DCLRE1C: variants seen among roughly 807,000 people sequenced by gnomAD.
DCLRE1C encodes the protein DNA cross-link repair 1C.
Under a neutral mutation model 61.4 loss-of-function variants are expected in DCLRE1C, and 47 were observed. The observed-to-expected ratio is 0.77, with a 90% CI of 0.61 to 0.98. The LOEUF is 0.98. DCLRE1C is among the 50% of genes least tolerant of loss of function. DCLRE1C has a pLI of 0.00. For missense variants in DCLRE1C, 858 were observed against 816.0 expected, an observed-to-expected ratio of 1.05 and a Z score of -0.63; for synonymous variants, 337 against 287.6, an observed-to-expected ratio of 1.17 and a Z score of -1.74.
Position 14,908,459 on chromosome 10 carries a change from A to C in DCLRE1C, c.2028T>G (p.Thr676=), listed in dbSNP as rs1186857313. ...HLQYLYEKLA[T]GESIAVKKRK... is the part of the protein sequence containing the mutation. ...TTTTTTTGACTGCTATACTCTCACC[A>C]GTTGCCAGCTTCTCATATAAATATT... Residue 676 remains threonine, a synonymous_variant, in exon 14 of 14, where the codon ACT becomes ACG. Coordinates refer to ENST00000378278, the MANE Select transcript of DCLRE1C (RefSeq NM_001033855.3). The C allele has an allele frequency of 6.2e-7, 1 of 1,613,838 alleles. No individual in the cohort carries two copies. Among genetic ancestry groups the C allele is most frequent in the Admixed American group, 1.7e-5 (1 of 59,942 alleles).
intron 13 of DCLRE1C, among the ~76,000 whole-genome samples, chr10:14,917,477 T>G (rs1373424230): frequency 1.3e-5 from 2 of 151,064 alleles, no homozygotes; most frequent in Non-Finnish European, 2.9e-5. Context: ...TGTATACACC[T>G]GATATATTTA....
chr10:14,923,363 C>G (rs1837442436), intron 11 of DCLRE1C: 1 of 338,198 alleles, frequency 3.0e-6, no homozygotes, highest in South Asian at 3.5e-5. Flanking sequence ...CAATGGGACT[C>G]AAAGATTCTT....
chr10:14,923,301 C>T (rs1837430032), intron 11 of DCLRE1C: 2 of 497,434 alleles, frequency 4.0e-6, no homozygotes, highest in Admixed American at 3.3e-5. Flanking sequence ...GAAATCAGTA[C>T]ATTTAAATAT....
At chr10:14,930,558 T>G (rs1589035746) in intron 9 of DCLRE1C, among the ~76,000 whole-genome samples, 1 of 152,030 alleles carries the variant, frequency 6.6e-6, no homozygotes, top group South Asian at 2.1e-4. Flanking sequence ...TCAGCCTCCC[T>G]AGTAGCTAGG....
chr10:14,923,108 G>C (rs559213129), intron 11 of DCLRE1C, 39 bp from the exon 12 acceptor site: 5 of 1,465,952 alleles, frequency 3.4e-6, no homozygotes, highest in South Asian at 2.3e-5. Flanking sequence ...CAATCTCTAC[G>C]ATGAAACAGG....
rs1183700070 is a variant in DCLRE1C at position 14,905,668 on chromosome 10, G to C, written c.*2740C>G. ...TGTGGCTGACTGCTGAGTGTCTTCT[G>C]TGATACATCTTGGCATTTTGAAACT... is the stretch of plus-strand genomic sequence containing the variant. On this transcript the variant is annotated 3_prime_UTR_variant, in exon 14 of 14. Transcript: ENST00000378278. Among the ~76,000 whole-genome samples, 1 of 152,202 alleles carries C rather than the reference G, an allele frequency of 6.6e-6. No individual in the cohort carries two copies. Among genetic ancestry groups the C allele is most frequent in the African/African-American group, 2.4e-5 (1 of 41,450 alleles).
chr10:14,944,922 G>A (rs1264257478), intron 3 of DCLRE1C, among the ~76,000 whole-genome samples, 183 bp downstream of exon 3: 6 of 151,908 alleles, frequency 3.9e-5, no homozygotes, highest in Non-Finnish European at 4.4e-5. Flanking sequence ...TGATCCATCC[G>A]CCAAGGCCTC....
intron 12 of DCLRE1C, chr10:14,920,424 C>G: frequency 9.9e-7 from 1 of 1,011,032 alleles, no homozygotes; most frequent in South Asian, 4.0e-5. Context: ...CTGGCAGATT[C>G]CGGGAAGCCT....
rs185748273 is a variant in DCLRE1C, at chr10:14,938,475, T to C, written c.306+1335A>G. On this transcript the variant is annotated intron_variant, in intron 4 of 13. Transcript: ENST00000378278. ...AGAAGAAATATCTGAAAAGGTCAGT[T>C]TCTGTTCAACAACACAACACACCCT... 3.9e-5 allele frequency among the ~76,000 whole-genome samples: 6 copies of C among 152,250 alleles called. No individual in the cohort carries two copies. In the East Asian group the frequency reaches 1.2e-3, roughly 29 times the overall value.
chr10:14,899,808 A>G, downstream of DCLRE1C: 1 of 1,187,908 alleles, frequency 8.4e-7, no homozygotes, highest in Non-Finnish European at 1.2e-6. Flanking sequence ...TATGTATTTT[A>G]TAAGGAGGGC....
intron 1 of DCLRE1C, among the ~76,000 whole-genome samples, chr10:14,952,746 G>T (rs1419179783): frequency 1.3e-5 from 2 of 152,064 alleles, no homozygotes; most frequent in African/African-American, 2.4e-5. Flanking sequence ...GCTCAAAGAC[G>T]TGCACGATGC....
intron 1 of DCLRE1C, among the ~76,000 whole-genome samples, chr10:14,949,654 GACCGACT>G (rs1842171955): frequency 6.6e-6 from 1 of 152,214 alleles, no homozygotes; most frequent in African/African-American, 2.4e-5. Flanking sequence ...GTAGCAATTA[GACCGACT>G]ATTACATTAA....
intron 4 of DCLRE1C, among the ~76,000 whole-genome samples, chr10:14,938,776 T>A (rs1325863780): frequency 6.6e-6 from 1 of 152,204 alleles, no homozygotes; most frequent in Non-Finnish European, 1.5e-5. Context: ...AATCACCATT[T>A]TAAATTCTGA....
At position 14,948,735 on chromosome 10, in the gene DCLRE1C, G is replaced by A. The variant is rs577369176; in HGVS notation, c.161+301C>T. Among the ~76,000 whole-genome samples the A allele has an allele frequency of 2.6e-4, 37 of 142,578 alleles. No individual in the cohort carries two copies. The Middle Eastern group carries it at 0.01, about 40-fold the overall frequency. The allele number at this position is 142,578 out of a possible 152,430, so 93.5% of individuals were successfully genotyped here. ...TGTTTTTTTTGTTGCTGTCGTTGTT[G>A]TTGTTGTTGTTTTTAGAGAGTGTAT... On this transcript the variant is annotated intron_variant, in intron 2 of 13. Transcript: ENST00000378278.
chr10:14,934,665 C>T (rs757245170), intron 7 of DCLRE1C, 38 bp downstream of exon 7: 3 of 1,611,374 alleles, frequency 1.9e-6, no homozygotes, highest in African/African-American at 2.7e-5. Flanking sequence ...AACACGGGCA[C>T]ACCCAGATGA....
chr10:14,950,054 C>CA (rs1000091507), intron 1 of DCLRE1C, among the ~76,000 whole-genome samples: 12 of 147,812 alleles, frequency 8.1e-5, no homozygotes, highest in African/African-American at 3.0e-4. Flanking sequence ...CAAAAACAAA[C>CA]AAACGGCTGG....
intron 4 of DCLRE1C, among the ~76,000 whole-genome samples, chr10:14,939,131 G>A (rs1247094286): frequency 6.6e-6 from 1 of 152,084 alleles, no homozygotes; most frequent in Non-Finnish European, 1.5e-5. Context: ...CAGGGAAAAA[G>A]ACAGCATCTA....
intron 2 of DCLRE1C, among the ~76,000 whole-genome samples, chr10:14,946,666 G>GA (rs1841738406): frequency 2.1e-5 from 2 of 97,380 alleles, no homozygotes; most frequent in African/African-American, 7.5e-5. Flanking sequence ...ACGCTAAAGA[G>GA]ATTTTTTTTT....
At chr10:14,911,831 A>C (rs887959024) in intron 13 of DCLRE1C, among the ~76,000 whole-genome samples, 4 of 152,228 alleles carry the variant, frequency 2.6e-5, no homozygotes, top group Non-Finnish European at 5.9e-5. Flanking sequence ...AATGGCCAAT[A>C]AGCACATGAA....
Sources: allele counts gnomAD v4.1 joint callset (sites outside exome capture counted in the v4.1 genomes callset), GRCh38; gene constraint gnomAD v4.1.1; transcripts MANE v1.5; gene names NCBI Gene and HGNC (gene_info 2026-07-23, HGNC 2026-07-21).